MTHFD1: variants seen among roughly 807,000 people sequenced by gnomAD.
MTHFD1 encodes the protein methylenetetrahydrofolate dehydrogenase, cyclohydrolase and formyltetrahydrofolate synthetase 1, also known as C-1-tetrahydrofolate synthase, cytoplasmic.
MTHFD1 carries 44 observed loss-of-function variants against 110.3 expected under a neutral mutation model. That is an observed-to-expected ratio of 0.40 (90% CI 0.31 to 0.51). The LOEUF (loss-of-function observed/expected upper bound fraction) is 0.51. MTHFD1 is among the 20% of genes least tolerant of loss of function. MTHFD1 has a pLI of 0.60. For missense variants in MTHFD1, 909 were observed against 1,173.1 expected (o/e 0.77, Z 3.29); for synonymous variants, 402 against 428.8 (o/e 0.94, Z 0.77).
chr14:64,459,898 C>G lies in MTHFD1; in HGVS notation c.*144C>G. On this transcript the variant is annotated 3_prime_UTR_variant, in exon 28 of 28. Coordinates refer to ENST00000652337, the MANE Select transcript of MTHFD1 (RefSeq NM_005956.4). ...CTGAAACTAATAGTAGGAGTTTCCCCAGAAGTCATTTTCAGCCTTAATTCT... is the reference window on the plus strand; with the variant it reads ...CTGAAACTAATAGTAGGAGTTTCCCGAGAAGTCATTTTCAGCCTTAATTCT... 1 of 1,535,958 alleles carries G rather than the reference C, an allele frequency of 6.5e-7. No individual in the cohort carries two copies. The highest frequency in any genetic ancestry group is 8.7e-7 in the Non-Finnish European group (1 of 1,146,820).
chr14:64,420,022 C>A, intron 8 of MTHFD1, 97 bp downstream of exon 8: 1 of 877,704 alleles, frequency 1.1e-6, no homozygotes, highest in Non-Finnish European at 1.9e-6. Flanking sequence ...TCATTTTATG[C>A]TTGTAGTACT....
At chr14:64,439,026 C>A in intron 16 of MTHFD1, 70 bp from the exon 17 acceptor site, 1 of 1,112,888 alleles carries the variant, frequency 9.0e-7, no homozygotes, top group Non-Finnish European at 1.4e-6. Context: ...TGCTTTAAAA[C>A]TCTGCTGCTT....
Position 64,453,792 on chromosome 14 carries a change from G to C in MTHFD1, c.2496G>C (p.Lys832Asn). The C allele has an allele frequency of 6.2e-7, 1 of 1,613,018 alleles. No individual in the cohort carries two copies. Among genetic ancestry groups the C allele is most frequent in the Non-Finnish European group, 8.5e-7 (1 of 1,179,072 alleles). ...VEDKIRIIAQKIYGADDIELL... is the reference protein window; with the variant it reads ...VEDKIRIIAQNIYGADDIELL... Reference sequence around the variant, plus strand: ...ATAAAATCAGGATCATTGCACAGAAGATCTATGGAGCAGATGACATTGAAT... The same window carrying C: ...ATAAAATCAGGATCATTGCACAGAACATCTATGGAGCAGATGACATTGAAT... Residue 832 changes from lysine to asparagine, a missense_variant, in exon 25 of 28, where the codon AAG (lysine) becomes AAC (asparagine). Lys to Asn is a moderately conservative substitution (Grantham distance 94, BLOSUM62 0). This residue lies in a region of MTHFD1 where 482 missense variants were observed against 646.0 expected (regional missense o/e 0.75). Transcript: ENST00000652337.
intron 16 of MTHFD1, among the ~76,000 whole-genome samples, chr14:64,436,429 C>A (rs576827387): frequency 2.6e-5 from 4 of 152,276 alleles, no homozygotes; most frequent in South Asian, 2.1e-4. Flanking sequence ...TTATTAAATT[C>A]TCTTATAGCA....
rs749676283 is a variant in MTHFD1, at chr14:64,439,133, G to A, written c.1635G>A (p.Thr545=). ...DTNDRFLRKI[T]IGQAPTEKGH... ...ATGATAGATTCCTGAGGAAGATCAC[G>A]ATTGGACAGGCTCCAACGGAGAAGG... The change falls in exon 17 of 28, where the codon ACG becomes ACA. Residue 545 remains threonine, a synonymous_variant. Coordinates refer to ENST00000652337, the MANE Select transcript of MTHFD1 (RefSeq NM_005956.4). The A allele has an allele frequency of 6.2e-6, 10 of 1,613,948 alleles. No individual in the cohort carries two copies. The South Asian group carries it at 8.8e-5, about 14-fold the overall frequency.
At chr14:64,390,794 G>A (rs901577504) in intron 1 of MTHFD1, among the ~76,000 whole-genome samples, 1 of 152,082 alleles carries the variant, frequency 6.6e-6, no homozygotes, top group African/African-American at 2.4e-5. Context: ...GACTACAGGT[G>A]TGTGCCACCC....
chr14:64,415,606 T>C (rs2078019641), intron 5 of MTHFD1, 33 bp from the exon 6 acceptor site: 2 of 1,612,976 alleles, frequency 1.2e-6, no homozygotes, highest in East Asian at 4.5e-5. Context: ...CTAATTGCCT[T>C]TATTTCCTTC....
chr14:64,442,995 A>C (rs999674831), intron 21 of MTHFD1, among the ~76,000 whole-genome samples: 2 of 152,102 alleles, frequency 1.3e-5, no homozygotes, highest in African/African-American at 4.8e-5. Context: ...TTTTTATCCT[A>C]GTATTTTAAC....
chr14:64,394,292 G>C (rs55739639), intron 1 of MTHFD1, among the ~76,000 whole-genome samples: 35,322 of 151,892 alleles, frequency 0.23, 4,290 homozygotes, highest in African/African-American at 0.26. Flanking sequence ...GCAGAGGCTC[G>C]ATGGTGCATT....
intron 2 of MTHFD1, among the ~76,000 whole-genome samples, chr14:64,404,475 T>C (rs930279691): frequency 6.6e-6 from 1 of 152,208 alleles, no homozygotes; most frequent in South Asian, 2.1e-4. Context: ...TAGGGAGATA[T>C]TCAATACATA....
At chr14:64,439,201 T>C in intron 17 of MTHFD1, 29 bp downstream of exon 17, 2 of 1,540,878 alleles carry the variant, frequency 1.3e-6, no homozygotes, top group Non-Finnish European at 1.8e-6. Flanking sequence ...CCAAGGAAAT[T>C]AGTTCAGAGG....
chr14:64,424,791 C>G lies in MTHFD1; in HGVS notation c.728-13C>G, dbSNP rs1345766026. ...TCTGAGACTTAGTTTTGATTTCTCC[C>G]CCACTTGACCAGATGATAAAAAACC... is the stretch of plus-strand genomic sequence containing the variant. On this transcript the variant is annotated splice_polypyrimidine_tract_variant and intron_variant, in intron 8 of 27. Transcript: ENST00000652337. 1.9e-6 allele frequency: 3 copies of G among 1,613,652 alleles called. No individual in the cohort carries two copies. Among genetic ancestry groups the G allele is most frequent in the Non-Finnish European group, 2.5e-6 (3 of 1,179,948 alleles).
intron 8 of MTHFD1, among the ~76,000 whole-genome samples, chr14:64,421,355 G>C (rs2078069161): frequency 6.6e-6 from 1 of 152,146 alleles, no homozygotes; most frequent in Admixed American, 6.5e-5. Flanking sequence ...GTTATAGCTG[G>C]AAGTCTTTTT....
chr14:64,424,993 T>A (rs2078107996), intron 9 of MTHFD1, 62 bp downstream of exon 9: 1 of 1,599,990 alleles, frequency 6.3e-7, no homozygotes, highest in South Asian at 1.1e-5. Flanking sequence ...TGGCTGCTTT[T>A]CTCCCCAAGT....
At chr14:64,425,025 A>G in intron 9 of MTHFD1, 94 bp downstream of exon 9, 1 of 1,454,500 alleles carries the variant, frequency 6.9e-7, no homozygotes, top group Non-Finnish European at 9.5e-7. Context: ...AAACCTACTC[A>G]GAAGTAAAGA....
At chr14:64,450,451 T>G (rs2078352660) in intron 24 of MTHFD1, among the ~76,000 whole-genome samples, 1 of 152,186 alleles carries the variant, frequency 6.6e-6, no homozygotes, top group South Asian at 2.1e-4. Context: ...TCATCATTTT[T>G]TCCATCACTA....
chr14:64,423,591 T>C (rs1364465655), intron 8 of MTHFD1, among the ~76,000 whole-genome samples: 1 of 151,698 alleles, frequency 6.6e-6, no homozygotes, highest in Non-Finnish European at 1.5e-5. Context: ...AGACGGGGTT[T>C]CACCATGCTG....
rs1359320114 is a variant in MTHFD1, at chr14:64,431,587, T to C, written c.1367T>C (p.Val456Ala). Residue 456 changes from valine (V) to alanine (A), a missense_variant, in exon 14 of 28, where the codon GTT becomes GCT. This residue lies in a region of MTHFD1 where 482 missense variants were observed against 646.0 expected (regional missense o/e 0.75). Coordinates refer to ENST00000652337, the MANE Select transcript of MTHFD1 (RefSeq NM_005956.4). ...IHAITAANNL[V>A]AAAIDARIFH... ...GCCATCACTGCAGCTAATAACCTCGTTGCTGCGGCCATTGATGCTCGGATA... is the reference window on the plus strand; with the variant it reads ...GCCATCACTGCAGCTAATAACCTCGCTGCTGCGGCCATTGATGCTCGGATA... 3.1e-6 allele frequency: 5 copies of C among 1,614,090 alleles called. No individual in the cohort carries two copies. The East Asian group carries it at 1.1e-4, about 36-fold the overall frequency.
chr14:64,446,540 T>TTTTTG (rs1159937055), intron 22 of MTHFD1, among the ~76,000 whole-genome samples: 1 of 152,122 alleles, frequency 6.6e-6, no homozygotes, highest in Non-Finnish European at 1.5e-5. Context: ...TTGGTGGGTT[T>TTTTTG]TTTTGTTTTG....
Sources: allele counts gnomAD v4.1 joint callset (sites outside exome capture counted in the v4.1 genomes callset), GRCh38; gene constraint gnomAD v4.1.1; regional missense constraint gnomAD v4.1.1; transcripts MANE v1.5; gene names NCBI Gene and HGNC (gene_info 2026-07-23, HGNC 2026-07-21).